MGLL: variants seen among roughly 807,000 people sequenced by gnomAD.
MGLL encodes monoglyceride lipase.
MGLL carries 7 observed loss-of-function variants against 29.1 expected under a neutral mutation model. The observed-to-expected ratio is 0.24, with a 90% CI of 0.14 to 0.45. The LOEUF is 0.45. Ranked by LOEUF, MGLL falls within the 20% of genes least tolerant of loss-of-function variation. The pLI, the probability that MGLL is intolerant of heterozygous loss-of-function variation, is 0.99. For synonymous variants in MGLL, 148 were observed against 168.3 expected (o/e 0.88, Z 0.93); for missense variants, 356 against 413.6 (o/e 0.86, Z 1.21).
chr3:127,710,820 C>T lies in MGLL; in HGVS notation c.511-155G>A, dbSNP rs2075696919. The T allele has an allele frequency of 4.2e-6, 3 of 715,954 alleles. No homozygotes were observed. In the African/African-American group the frequency reaches 5.2e-5, roughly 13 times the overall value. The allele number at this position is 715,954 out of a possible 1,614,324, so 44.4% of individuals were successfully genotyped here. The stretch of plus-strand genomic sequence containing the variant: ...AGCCTGCGTCCTTAAGCCTGCATGC[C>T]CAAGGACTCTCCCTTCTGACTCAGC... On this transcript the variant is annotated intron_variant, in intron 5 of 7. Transcript: ENST00000265052.
intron 2 of MGLL, among the ~76,000 whole-genome samples, chr3:127,803,470 T>TG (rs2077513778): frequency 6.6e-6 from 1 of 152,220 alleles, no homozygotes; most frequent in African/African-American, 2.4e-5. Flanking sequence ...CCGATGCTGG[T>TG]GCACTCACAC....
Position 127,692,165 on chromosome 3 carries a change from C to A in MGLL, c.*33G>T, listed in dbSNP as rs776834732. 1.9e-6 allele frequency: 3 copies of A among 1,610,640 alleles called. No homozygotes were observed. The highest frequency in any genetic ancestry group is 2.5e-6 in the Non-Finnish European group (3 of 1,179,234). On this transcript the variant is annotated 3_prime_UTR_variant, in exon 8 of 8. Transcript: ENST00000265052. ...CTCTGCCCTTCCCCTGCCTGCATCC[C>A]CCAGACCATGAGCCGGGCACCGGCC...
intron 3 of MGLL, chr3:127,736,425 G>A (rs2076243709): frequency 1.2e-6 from 1 of 859,294 alleles, no homozygotes; most frequent in South Asian, 5.3e-5. Flanking sequence ...GAGTAAATGA[G>A]TCTGGTCCTA....
chr3:127,781,756 C>T (rs2107709475), intron 3 of MGLL, 33 bp downstream of exon 3: 2 of 1,594,368 alleles, frequency 1.3e-6, no homozygotes, highest in Middle Eastern at 1.7e-4. Flanking sequence ...TGTCAGGGCC[C>T]AGCCAGCTCT....
At chr3:127,740,217 C>T (rs557940124) in intron 3 of MGLL, among the ~76,000 whole-genome samples, 1 of 152,354 alleles carries the variant, frequency 6.6e-6, no homozygotes, top group South Asian at 2.1e-4. Flanking sequence ...TCCGAAGTCA[C>T]CACTTGTGGC....
At position 127,801,302 on chromosome 3, in the gene MGLL, C is replaced by CA. The variant is rs1167832631; in HGVS notation, c.156-19408dup. Among the ~76,000 whole-genome samples, 539 of 54,972 alleles carry CA rather than the reference C, an allele frequency of 9.8e-3. 2 individuals are homozygous for CA. The highest frequency in any genetic ancestry group is 0.018 in the African/African-American group (278 of 15,764). 36.1% of individuals were successfully genotyped at this position (54,972 alleles called of 152,430 possible). A position where few individuals can be genotyped will look rare whatever the true frequency, so the allele number is the denominator to read the frequency against. The stretch of plus-strand genomic sequence containing the variant: ...GGGCAACAAGAGTGAAACTCCATCT[C>CA]AAAAAAAAAAAAAAAAAAGGAGTGG... On this transcript the variant is annotated intron_variant, in intron 2 of 7. Transcript: ENST00000265052.
At chr3:127,819,207 G>A (rs941609498) in intron 2 of MGLL, among the ~76,000 whole-genome samples, 5 of 152,122 alleles carry the variant, frequency 3.3e-5, no homozygotes, top group Non-Finnish European at 7.4e-5. Flanking sequence ...GTGTTGCTCC[G>A]AGCCACCTGC....
At chr3:127,723,408 A>T (rs944017339) in intron 3 of MGLL, among the ~76,000 whole-genome samples, 20 of 152,246 alleles carry the variant, frequency 1.3e-4, no homozygotes, top group African/African-American at 4.3e-4. Context: ...AGCCTCTGCC[A>T]CCTCTGGGGA....
intron 3 of MGLL, among the ~76,000 whole-genome samples, chr3:127,724,469 G>A (rs1206552785): frequency 2.0e-5 from 3 of 152,212 alleles, no homozygotes; most frequent in Non-Finnish European, 2.9e-5. Context: ...TCTGTCGAGG[G>A]ACATTTGGAC....
At chr3:127,716,893 C>T (rs1419067481) in intron 5 of MGLL, among the ~76,000 whole-genome samples, 1 of 152,182 alleles carries the variant, frequency 6.6e-6, no homozygotes, top group Non-Finnish European at 1.5e-5. Context: ...GAGAGGACAC[C>T]TTAAGGCAGC....
At position 127,822,474 on chromosome 3, in the gene MGLL, T is replaced by A; in HGVS notation, c.-156A>T. 1 of 753,848 alleles carries A rather than the reference T, an allele frequency of 1.3e-6. No individual in the cohort carries two copies. Among genetic ancestry groups the A allele is most frequent in the Non-Finnish European group, 2.3e-6 (1 of 444,148 alleles). The allele number at this position is 753,848 out of a possible 1,614,324, so 46.7% of individuals were successfully genotyped here. On this transcript the variant is annotated 5_prime_UTR_variant, in exon 1 of 8. Transcript: ENST00000265052. ...GACCCTGCCTTTCGGGCTGGGGCGC[T>A]CAGCCGGGAGCCTGCTTCCAGCTCC...
chr3:127,810,847 A>ATGTGTTGGAGAAGATAGGCATGT (rs368536537), intron 2 of MGLL, among the ~76,000 whole-genome samples: 1 of 150,356 alleles, frequency 6.7e-6, no homozygotes, highest in African/African-American at 2.5e-5. Flanking sequence ...CAATCAAAAA[A>ATGTGTTGGAGAAGATAGGCATGT]GGAAGCAAAC....
intron 6 of MGLL, among the ~76,000 whole-genome samples, chr3:127,695,675 C>T (rs551078525): frequency 6.6e-6 from 1 of 152,158 alleles, no homozygotes; most frequent in African/African-American, 2.4e-5. Context: ...ACCTGGGAGG[C>T]GGACTTTGCA....
At chr3:127,819,563 G>A (rs549645311) in intron 2 of MGLL, among the ~76,000 whole-genome samples, 2 of 152,178 alleles carry the variant, frequency 1.3e-5, no homozygotes, top group East Asian at 3.9e-4. Context: ...TCCTAACTGG[G>A]AGGAGACAGG....
At chr3:127,716,189 G>T (rs1297310378) in intron 5 of MGLL, among the ~76,000 whole-genome samples, 1 of 152,254 alleles carries the variant, frequency 6.6e-6, no homozygotes, top group Non-Finnish European at 1.5e-5. Flanking sequence ...GCGATGAAAT[G>T]GAGAAACCAG....
chr3:127,735,882 T>C lies in MGLL; in HGVS notation c.263-13316A>G, dbSNP rs938521727. The C allele has an allele frequency of 2.5e-6, 4 of 1,570,750 alleles. No homozygotes were observed. The African/African-American group carries it at 5.4e-5, about 21-fold the overall frequency. On this transcript the variant is annotated intron_variant, in intron 3 of 7. Transcript: ENST00000265052. ...ATCTCTCCCACTTACAAGGATTTTCTCCTGTTCAGCTCTGCAAAGAGATGG... is the reference window on the plus strand; with the variant it reads ...ATCTCTCCCACTTACAAGGATTTTCCCCTGTTCAGCTCTGCAAAGAGATGG...
At chr3:127,797,440 G>A (rs984892473) in intron 2 of MGLL, among the ~76,000 whole-genome samples, 5 of 152,118 alleles carry the variant, frequency 3.3e-5, no homozygotes, top group Non-Finnish European at 5.9e-5. Flanking sequence ...TGAGCTGGAA[G>A]GCTCCTGAAA....
At chr3:127,708,393 C>T (rs991533285) in intron 6 of MGLL, among the ~76,000 whole-genome samples, 2 of 152,128 alleles carry the variant, frequency 1.3e-5, no homozygotes, top group Non-Finnish European at 2.9e-5. Flanking sequence ...CAGCCAGAAA[C>T]CCGAGGCAGG....
intron 3 of MGLL, among the ~76,000 whole-genome samples, chr3:127,757,302 CG>C (rs1476021844): frequency 6.6e-6 from 1 of 152,064 alleles, no homozygotes; most frequent in Non-Finnish European, 1.5e-5. Flanking sequence ...TGTTGAGTTT[CG>C]GGGGTATTTG....
Sources: allele counts gnomAD v4.1 joint callset (sites outside exome capture counted in the v4.1 genomes callset), GRCh38; gene constraint gnomAD v4.1.1; transcripts MANE v1.5; gene names NCBI Gene and HGNC (gene_info 2026-07-23, HGNC 2026-07-21).